RARB: variants seen among roughly 807,000 people sequenced by gnomAD.
RARB encodes retinoic acid receptor beta, also known as HBV-activated protein.
In RARB, 17 loss-of-function variants were observed where a neutral mutation model predicts 51.9. The observed-to-expected ratio is 0.33, with a 90% CI of 0.22 to 0.49. RARB has a LOEUF of 0.49. Ranked by LOEUF, RARB falls within the 20% of genes least tolerant of loss-of-function variation. RARB has a pLI of 0.99. For missense variants in RARB, 369 were observed against 550.8 expected (o/e 0.67, Z 3.30); for synonymous variants, 215 against 195.4 (o/e 1.10, Z -0.84).
At chr3:25,581,538 C>T (rs889282169) in intron 5 of RARB, among the ~76,000 whole-genome samples, 28 of 152,208 alleles carry the variant, frequency 1.8e-4, no homozygotes, top group Middle Eastern at 3.4e-3. Flanking sequence ...GGGCAGGGAG[C>T]GAAGGGGCAT....
chr3:25,535,750 T>A (rs1699113787), intron 3 of RARB, among the ~76,000 whole-genome samples: 1 of 152,174 alleles, frequency 6.6e-6, no homozygotes, highest in Non-Finnish European at 1.5e-5. Flanking sequence ...CTGGAAACCA[T>A]CCTTGTCTCT....
intron 5 of RARB, among the ~76,000 whole-genome samples, chr3:25,249,424 A>G (rs1702649451): frequency 6.6e-6 from 1 of 152,110 alleles, no homozygotes; most frequent in South Asian, 2.1e-4. Context: ...GTTTTCCAGA[A>G]TGTCATAAAT....
At chr3:24,832,256 A>C (rs1263755835) in intron 1 of RARB, among the ~76,000 whole-genome samples, 2 of 152,314 alleles carry the variant, frequency 1.3e-5, no homozygotes, top group East Asian at 3.9e-4. Context: ...CCAGGCTCAT[A>C]AAATATCACA....
At chr3:25,292,932 A>G (rs539418927) in intron 5 of RARB, among the ~76,000 whole-genome samples, 1 of 152,328 alleles carries the variant, frequency 6.6e-6, no homozygotes, top group East Asian at 1.9e-4. Flanking sequence ...CGCTCCCAAA[A>G]TTTAATGCAA....
At chr3:24,944,040 T>C (rs1695723668) in intron 2 of RARB, among the ~76,000 whole-genome samples, 1 of 152,194 alleles carries the variant, frequency 6.6e-6, no homozygotes, top group African/African-American at 2.4e-5. Flanking sequence ...TATTGCCTTG[T>C]AATATATTAA....
chr3:24,854,842 A>C (rs1047151214), intron 1 of RARB, among the ~76,000 whole-genome samples: 1 of 152,236 alleles, frequency 6.6e-6, no homozygotes, highest in Non-Finnish European at 1.5e-5. Flanking sequence ...CTAGATGAGA[A>C]CTAGTGCCTT....
In RARB at chr3:24,856,439, T is replaced by G. The variant is rs554070745; in HGVS notation, c.-458-2235T>G. ...GGTATTATGTCCACCATGGTTATGT[T>G]GAAATTAAAGTTATCCAAGGCAAAA... On this transcript the variant is annotated intron_variant, in intron 1 of 11. Coordinates refer to the RARB transcript ENST00000383772. Among the ~76,000 whole-genome samples, 12 of 152,332 alleles carry G rather than the reference T, an allele frequency of 7.9e-5. No homozygotes were observed. The East Asian group carries it at 2.3e-3, about 29-fold the overall frequency.
At chr3:24,914,987 A>G (rs1422619140) in intron 2 of RARB, among the ~76,000 whole-genome samples, 1 of 152,240 alleles carries the variant, frequency 6.6e-6, no homozygotes, top group Non-Finnish European at 1.5e-5. Context: ...GCTTCCATAC[A>G]TAGCATTATA....
At chr3:25,456,994 G>C (rs926748118) in intron 1 of RARB, among the ~76,000 whole-genome samples, 7 of 151,878 alleles carry the variant, frequency 4.6e-5, no homozygotes, top group Non-Finnish European at 7.4e-5. Context: ...TATATTAGTG[G>C]TTCCCAAACT....
chr3:24,899,687 A>C (rs1458240202), intron 2 of RARB, among the ~76,000 whole-genome samples: 1 of 152,192 alleles, frequency 6.6e-6, no homozygotes, highest in Non-Finnish European at 1.5e-5. Context: ...ATTGCAGATG[A>C]GCCTTCAATG....
At chr3:25,150,134 C>T (rs1456827908) in intron 4 of RARB, among the ~76,000 whole-genome samples, 1 of 150,760 alleles carries the variant, frequency 6.6e-6, no homozygotes, top group Non-Finnish European at 1.5e-5. Flanking sequence ...CTGGGAGGCA[C>T]AGGTTGCAGT....
At chr3:24,845,238 G>A (rs1183534406) in intron 1 of RARB, among the ~76,000 whole-genome samples, 4 of 152,146 alleles carry the variant, frequency 2.6e-5, no homozygotes, top group African/African-American at 4.8e-5. Flanking sequence ...TCAATGGTTT[G>A]GCTAATACTA....
chr3:25,044,926 A>G (rs570190839), intron 2 of RARB, among the ~76,000 whole-genome samples: 69 of 152,294 alleles, frequency 4.5e-4, no homozygotes, highest in Middle Eastern at 3.4e-3. Flanking sequence ...CCCTGTTTAT[A>G]TCTGACAGTT....
chr3:25,428,688 C>A lies in RARB; in HGVS notation c.-44C>A. The A allele has an allele frequency of 6.3e-7, 1 of 1,575,558 alleles. No homozygotes were observed. ...TTTTCTATGCCATTTGCCTCCACAC[C>A]TAGAGGATAAGCACTTTTGCAGACA... On this transcript the variant is annotated 5_prime_UTR_variant, in exon 1 of 8. Transcript: ENST00000330688.
At chr3:25,031,511 A>C (rs990038549) in intron 2 of RARB, among the ~76,000 whole-genome samples, 1 of 152,192 alleles carries the variant, frequency 6.6e-6, no homozygotes, top group Admixed American at 6.5e-5. Context: ...AGAATTGCAG[A>C]GGTGGGTGGG....
At chr3:25,135,604 G>A (rs540298467) in intron 4 of RARB, among the ~76,000 whole-genome samples, 38 of 152,062 alleles carry the variant, frequency 2.5e-4, no homozygotes, top group Middle Eastern at 3.4e-3. Flanking sequence ...GAACAGTTGC[G>A]TGCAACATAG....
intron 5 of RARB, among the ~76,000 whole-genome samples, chr3:25,582,220 G>T (rs766019630): frequency 1.3e-4 from 20 of 152,126 alleles, no homozygotes; most frequent in Non-Finnish European, 2.6e-4. Context: ...GAAAATTACT[G>T]GGCCTTTTAA....
intron 2 of RARB, among the ~76,000 whole-genome samples, chr3:25,037,632 G>GT (rs1242990297): frequency 6.6e-6 from 1 of 152,152 alleles, no homozygotes; most frequent in Non-Finnish European, 1.5e-5. Flanking sequence ...CATTTAGCAA[G>GT]TATTTGTGGA....
chr3:24,906,101 G>C (rs965090653), intron 2 of RARB, among the ~76,000 whole-genome samples: 5 of 152,176 alleles, frequency 3.3e-5, no homozygotes, highest in African/African-American at 1.2e-4. Flanking sequence ...TCAAAGTCGA[G>C]ACAGCCAATA....
Sources: gnomAD v4.1 joint callset for allele counts (sites outside exome capture counted in the v4.1 genomes callset) on GRCh38, gnomAD v4.1.1 for gene constraint, MANE v1.5 for transcripts, NCBI Gene and HGNC (gene_info 2026-07-23, HGNC 2026-07-21) for gene names.